THRAP3: variants seen among roughly 807,000 people sequenced by gnomAD.
THRAP3 encodes the protein thyroid hormone receptor associated protein 3, also known as thyroid hormone receptor-associated protein 3.
A neutral mutation model predicts 101.0 loss-of-function variants in THRAP3; 16 were observed. The observed-to-expected ratio is 0.16, with a 90% CI of 0.11 to 0.24. THRAP3 has a LOEUF of 0.24. Among genes scored for constraint, THRAP3 ranks in the 10% least tolerant of loss-of-function variants. The pLI is 1.00. For synonymous variants in THRAP3, 407 were observed against 422.6 expected (o/e 0.96, Z 0.45); for missense variants, 989 against 1,202.7 (o/e 0.82, Z 2.63).
intron 2 of THRAP3, 118 bp from the exon 3 acceptor site, chr1:36,282,415 A>G: frequency 5.9e-6 from 3 of 511,264 alleles, no homozygotes; most frequent in Non-Finnish European, 6.3e-6. Context: ...TTTTTTTTGT[A>G]GATATGGGGT....
intron 1 of THRAP3, among the ~76,000 whole-genome samples, chr1:36,230,542 C>T (rs1240634657): frequency 6.6e-6 from 1 of 152,208 alleles, no homozygotes; most frequent in African/African-American, 2.4e-5. Context: ...GGATTACAGG[C>T]TGGAGCCACC....
intron 1 of THRAP3, among the ~76,000 whole-genome samples, chr1:36,243,483 A>G (rs996501538): frequency 9.9e-5 from 15 of 152,132 alleles, no homozygotes; most frequent in Non-Finnish European, 2.1e-4. Context: ...GAGTGGATAC[A>G]GCACATGTTT....
chr1:36,282,718 T>C lies in THRAP3; in HGVS notation c.137+18T>C, dbSNP rs1224523488. On this transcript the variant is annotated intron_variant, in intron 3 of 11. Coordinates refer to ENST00000354618, the MANE Select transcript of THRAP3 (RefSeq NM_005119.4). ...AGGCTGAGGTAAGGGGGTGTGACTT[T>C]GTATATTGAGATAATCATTGCATCA... 1.9e-6 allele frequency: 3 copies of C among 1,613,740 alleles called. No individual in the cohort carries two copies. Among genetic ancestry groups the C allele is most frequent in the South Asian group, 1.1e-5 (1 of 91,058 alleles).
intron 1 of THRAP3, among the ~76,000 whole-genome samples, chr1:36,231,317 A>G (rs755674405): frequency 2.7e-4 from 41 of 152,210 alleles, no homozygotes; most frequent in Non-Finnish European, 4.6e-4. Flanking sequence ...TTTGGAGAGC[A>G]TAGAGGCATT....
chr1:36,211,860 A>G, the THRAP3 span, among the ~76,000 whole-genome samples: 1 of 152,126 alleles, frequency 6.6e-6, no homozygotes, highest in Non-Finnish European at 1.5e-5. Context: ...GGGTCAGACA[A>G]TGCTGCCGGT....
chr1:36,275,955 G>A (rs1645654061), intron 2 of THRAP3, among the ~76,000 whole-genome samples: 1 of 152,022 alleles, frequency 6.6e-6, no homozygotes, highest in African/African-American at 2.4e-5. Context: ...GGAAACTGAG[G>A]CTGCAGTGAG....
At position 36,304,753 on chromosome 1, in the gene THRAP3, TC is replaced by T. The variant is rs979382358; in HGVS notation, c.*740del. On this transcript the variant is annotated 3_prime_UTR_variant, in exon 12 of 12. Transcript: ENST00000354618. ...TTCCTGATTTCTTCTGGGCTGGACT[TC>T]CCCGTTCTCCACCAGCAGCTCCAGT... The T allele has an allele frequency of 2.3e-5, 5 of 214,504 alleles. No homozygotes were observed. Among genetic ancestry groups the T allele is most frequent in the Non-Finnish European group, 3.8e-5 (4 of 106,012 alleles). 13.3% of individuals were successfully genotyped at this position (214,504 alleles called of 1,614,324 possible).
intron 1 of THRAP3, among the ~76,000 whole-genome samples, chr1:36,256,403 T>C (rs1167498813): frequency 2.6e-5 from 4 of 151,686 alleles, no homozygotes; most frequent in Non-Finnish European, 5.9e-5. Context: ...TTTTTTGTAT[T>C]TTTAGTAGAG....
chr1:36,241,235 C>T (rs2124401223), intron 1 of THRAP3, among the ~76,000 whole-genome samples: 1 of 149,912 alleles, frequency 6.7e-6, no homozygotes, highest in South Asian at 2.1e-4. Context: ...GAAATACGTG[C>T]CGCTGACACC....
At chr1:36,275,383 T>G (rs1469686241) in intron 2 of THRAP3, among the ~76,000 whole-genome samples, 1 of 146,970 alleles carries the variant, frequency 6.8e-6, no homozygotes, top group African/African-American at 2.5e-5. Context: ...GTCAGGAGAT[T>G]GAGACCATCC....
At chr1:36,231,000 C>T (rs765506381) in intron 1 of THRAP3, among the ~76,000 whole-genome samples, 4 of 152,116 alleles carry the variant, frequency 2.6e-5, no homozygotes, top group Admixed American at 6.5e-5. Context: ...GACATGTAGC[C>T]CTGACCTGGA....
intron 2 of THRAP3, among the ~76,000 whole-genome samples, chr1:36,278,081 T>C (rs1645684557): frequency 6.7e-6 from 1 of 149,880 alleles, no homozygotes; most frequent in African/African-American, 2.5e-5. Context: ...TTTTTTTTTT[T>C]TAAGACGGAG....
intron 2 of THRAP3, among the ~76,000 whole-genome samples, chr1:36,275,013 C>T (rs1405668637): frequency 3.3e-5 from 5 of 150,480 alleles, no homozygotes; most frequent in South Asian, 2.1e-4. Context: ...GTGGCTCACA[C>T]CTGTAATCCC....
intron 1 of THRAP3, among the ~76,000 whole-genome samples, chr1:36,252,956 ATATATATATATAT>A (rs1557819427): frequency 1.6e-4 from 23 of 140,496 alleles, no homozygotes; most frequent in African/African-American, 5.7e-4. Context: ...ATATATATAT[ATATATATATATAT>A]AAATGTAAAT....
chr1:36,241,603 G>T (rs1645162326), intron 1 of THRAP3, among the ~76,000 whole-genome samples: 1 of 141,610 alleles, frequency 7.1e-6, no homozygotes, highest in South Asian at 2.2e-4. Context: ...TTTTCAGACA[G>T]AGTCTTGCTC....
Position 36,270,571 on chromosome 1 carries a change from G to GTTTTTTTTTTTT in THRAP3, c.-32+11092_-32+11093insTTTTTTTTTTTT, listed in dbSNP as rs532301363. Among the ~76,000 whole-genome samples the GTTTTTTTTTTTT allele has an allele frequency of 6.9e-4, 22 of 31,904 alleles. 1 individual carries two copies. The highest frequency in any genetic ancestry group is 1.6e-3 in the Admixed American group (3 of 1,840). The allele number at this position is 31,904 out of a possible 152,430, so 20.9% of individuals were successfully genotyped here. ...TAAAAATACAGTTCTATTTGTTTAG[G>GTTTTTTTTTTTT]TTTTTGTTTTTTTTTTTTTTTTTGA... is the stretch of plus-strand genomic sequence containing the variant. On this transcript the variant is annotated intron_variant, in intron 2 of 11. Coordinates refer to ENST00000354618, the MANE Select transcript of THRAP3 (RefSeq NM_005119.4).
At chr1:36,303,653 A>G in intron 11 of THRAP3, 143 bp from the exon 12 acceptor site, 2 of 1,256,908 alleles carry the variant, frequency 1.6e-6, no homozygotes, top group South Asian at 3.0e-5. Context: ...AGTGGGGGAC[A>G]GGGAGAAGTG....
At chr1:36,221,952 G>A (rs922240082), upstream of THRAP3, among the ~76,000 whole-genome samples, 3 of 152,170 alleles carry the variant, frequency 2.0e-5, no homozygotes, top group East Asian at 5.8e-4. Flanking sequence ...TGGGATTACA[G>A]GTGCCCGCCA....
intron 1 of THRAP3, among the ~76,000 whole-genome samples, chr1:36,230,776 A>G (rs1223396711): frequency 6.6e-6 from 1 of 152,138 alleles, no homozygotes; most frequent in Non-Finnish European, 1.5e-5. Context: ...ACTAAATCCA[A>G]TCTGCAGATA....
Sources: gnomAD v4.1 joint callset for allele counts (sites outside exome capture counted in the v4.1 genomes callset) on GRCh38, gnomAD v4.1.1 for gene constraint, MANE v1.5 for transcripts, NCBI Gene and HGNC (gene_info 2026-07-23, HGNC 2026-07-21) for gene names.